Variants in CHD9 observed in about 807,000 individuals in gnomAD.
CHD9 encodes the protein ATP-dependent chromatin remodeler CHD9.
CHD9 carries 77 observed loss-of-function variants against 316.1 expected under a neutral mutation model. That is an observed-to-expected ratio of 0.24 (90% CI 0.20 to 0.29). The LOEUF (loss-of-function observed/expected upper bound fraction) is 0.29, where lower values mean the gene tolerates loss of function less well. Among genes scored for constraint, CHD9 ranks in the 10% least tolerant of loss-of-function variants. The pLI is 1.00. For synonymous variants in CHD9, 1,129 were observed against 1,158.3 expected, an observed-to-expected ratio of 0.97 and a Z score of 0.51; for missense variants, 2,763 against 3,438.1, an observed-to-expected ratio of 0.80 and a Z score of 4.91.
intron 1 of CHD9, among the ~76,000 whole-genome samples, chr16:53,123,112 C>G (rs2038817513): frequency 6.6e-6 from 1 of 151,790 alleles, no homozygotes; most frequent in Non-Finnish European, 1.5e-5. Context: ...ATCCATCTGC[C>G]CTGGCCTCCC....
intron 1 of CHD9, among the ~76,000 whole-genome samples, chr16:53,079,979 A>T (rs2034876095): frequency 6.6e-6 from 1 of 152,214 alleles, no homozygotes; most frequent in Non-Finnish European, 1.5e-5. Context: ...GGAGGGGGGC[A>T]TGGGGACCTC....
chr16:53,302,118 C>T (rs2055499367), intron 30 of CHD9, among the ~76,000 whole-genome samples: 1 of 152,162 alleles, frequency 6.6e-6, no homozygotes, highest in African/African-American at 2.4e-5. Context: ...ATTATCAAAA[C>T]AAGAAATTAA....
intron 2 of CHD9, among the ~76,000 whole-genome samples, chr16:53,183,981 G>T (rs1441311181): frequency 6.7e-6 from 1 of 149,106 alleles, no homozygotes; most frequent in African/African-American, 2.5e-5. Flanking sequence ...GTCTCGCTCT[G>T]TCGCCCATGC....
chr16:53,198,315 ATTT>A (rs34946383), intron 2 of CHD9, among the ~76,000 whole-genome samples: 3 of 125,226 alleles, frequency 2.4e-5, no homozygotes, highest in African/African-American at 3.0e-5. Flanking sequence ...TAAGCATTCA[ATTT>A]TTTTTTTTTT....
At chr16:53,126,815 A>ATT (rs1233925208) in intron 1 of CHD9, among the ~76,000 whole-genome samples, 15 of 152,030 alleles carry the variant, frequency 9.9e-5, no homozygotes, top group African/African-American at 3.6e-4. Flanking sequence ...AGTAGCTAGG[A>ATT]TTACAGGCAT....
At chr16:53,141,987 A>T (rs1183009182) in intron 1 of CHD9, among the ~76,000 whole-genome samples, 1 of 152,222 alleles carries the variant, frequency 6.6e-6, no homozygotes, top group Non-Finnish European at 1.5e-5. Context: ...AGAGTGGCAA[A>T]TAAGAGTGGA....
chr16:53,113,855 C>A (rs917125396), intron 1 of CHD9, among the ~76,000 whole-genome samples: 4 of 152,002 alleles, frequency 2.6e-5, no homozygotes, highest in African/African-American at 9.7e-5. Context: ...ACAGCATGCA[C>A]CACCACGCCT....
At chr16:53,185,740 G>A (rs906283369) in intron 2 of CHD9, among the ~76,000 whole-genome samples, 2 of 152,172 alleles carry the variant, frequency 1.3e-5, no homozygotes, top group African/African-American at 4.8e-5. Context: ...GGGACTTGGT[G>A]CCCTGTGTTA....
At chr16:53,094,641 CTTTT>C (rs902726569) in intron 1 of CHD9, among the ~76,000 whole-genome samples, 1 of 136,794 alleles carries the variant, frequency 7.3e-6, no homozygotes, top group Non-Finnish European at 1.6e-5. Flanking sequence ...TTTACTTTTT[CTTTT>C]TTTTTTTTTT....
intron 20 of CHD9, among the ~76,000 whole-genome samples, chr16:53,265,247 T>G (rs1470269915): frequency 1.3e-5 from 2 of 151,862 alleles, no homozygotes; most frequent in Non-Finnish European, 2.9e-5. Flanking sequence ...ACAAAAAAAT[T>G]TAAAATTAGC....
intron 17 of CHD9, among the ~76,000 whole-genome samples, chr16:53,252,486 G>A (rs2050208074): frequency 6.6e-6 from 1 of 152,100 alleles, no homozygotes; most frequent in African/African-American, 2.4e-5. Flanking sequence ...CTAGACATTG[G>A]CTTAGGCAAA....
At chr16:53,106,892 C>G (rs1178520785) in intron 1 of CHD9, among the ~76,000 whole-genome samples, 1 of 152,124 alleles carries the variant, frequency 6.6e-6, no homozygotes, top group Non-Finnish European at 1.5e-5. Context: ...CTTCTGAGCT[C>G]CAGGGCACTG....
chr16:53,161,541 A>G (rs2041913536), intron 2 of CHD9, among the ~76,000 whole-genome samples: 1 of 152,174 alleles, frequency 6.6e-6, no homozygotes, highest in African/African-American at 2.4e-5. Context: ...TAACATCACT[A>G]CATGTGTATA....
rs1200254950 is a variant in CHD9 at position 53,226,261 on chromosome 16, T to C, written c.1897-105T>C. 3 of 672,068 alleles carry C rather than the reference T, an allele frequency of 4.5e-6. No individual in the cohort carries two copies. In the East Asian group the frequency reaches 9.3e-5, roughly 21 times the overall value. The allele number at this position is 672,068 out of a possible 1,614,324, so 41.6% of individuals were successfully genotyped here. On this transcript the variant is annotated intron_variant, in intron 4 of 38. Transcript: ENST00000447540. ...GGAAAAGATAGTACATTGAGTGTCA[T>C]GTTGAAAATTTAATATACAAAATTG...
intron 30 of CHD9, 112 bp downstream of exon 30, chr16:53,297,270 A>G (rs1390935795): frequency 5.6e-6 from 4 of 719,310 alleles, no homozygotes; most frequent in African/African-American, 5.3e-5. Context: ...ATCTAATTCA[A>G]CTTGTCAGTA....
At chr16:53,110,331 C>T (rs530074442) in intron 1 of CHD9, among the ~76,000 whole-genome samples, 1 of 152,304 alleles carries the variant, frequency 6.6e-6, no homozygotes, top group East Asian at 1.9e-4. Context: ...GTGCCTCATG[C>T]CTGTAATGTA....
At chr16:53,228,873 C>G (rs940361483) in intron 7 of CHD9, 110 bp from the exon 8 acceptor site, 3 of 526,522 alleles carry the variant, frequency 5.7e-6, no homozygotes, top group African/African-American at 3.8e-5. Flanking sequence ...TGATGAACTA[C>G]CTATTTGAAA....
At chr16:53,257,149 G>A (rs1285419568) in intron 19 of CHD9, among the ~76,000 whole-genome samples, 2 of 152,172 alleles carry the variant, frequency 1.3e-5, no homozygotes, top group Non-Finnish European at 2.9e-5. Context: ...GAAAGAAAAA[G>A]CCAGCTAAAT....
chr16:53,191,994 G>A (rs958199821), intron 2 of CHD9, among the ~76,000 whole-genome samples: 1 of 149,526 alleles, frequency 6.7e-6, no homozygotes, highest in African/African-American at 2.5e-5. Flanking sequence ...ATTTTAATTT[G>A]TGTTTTACTG....
Sources: allele counts gnomAD v4.1 joint callset (sites outside exome capture counted in the v4.1 genomes callset), GRCh38; gene constraint gnomAD v4.1.1; transcripts MANE v1.5; gene names NCBI Gene and HGNC (gene_info 2026-07-23, HGNC 2026-07-21).